The following GOLM2 variants were observed in gnomAD, a reference collection of about 807,000 sequenced individuals.
GOLM2 encodes golgi membrane protein 2, also known as protein GOLM2.
Under a neutral mutation model 55.9 loss-of-function variants are expected in GOLM2, and 26 were observed. The observed-to-expected ratio is 0.47, with a 90% CI of 0.34 to 0.65. The LOEUF (loss-of-function observed/expected upper bound fraction) is 0.65. Among genes scored for constraint, GOLM2 ranks in the 30% least tolerant of loss-of-function variants. The pLI is 0.01. For synonymous variants in GOLM2, 165 were observed against 194.6 expected (o/e 0.85, Z 1.27); for missense variants, 486 against 531.8 (o/e 0.91, Z 0.85).
intron 2 of GOLM2, among the ~76,000 whole-genome samples, chr15:44,327,787 A>T (rs891708662): frequency 6.6e-6 from 1 of 152,226 alleles, no homozygotes; most frequent in African/African-American, 2.4e-5. Flanking sequence ...AAACATTTAC[A>T]AACAAGTGTT....
At chr15:44,315,865 G>A (rs779162253) in intron 1 of GOLM2, among the ~76,000 whole-genome samples, 4 of 152,088 alleles carry the variant, frequency 2.6e-5, no homozygotes, top group African/African-American at 7.2e-5. Context: ...AAATGAAGGC[G>A]CTCAAAAGAA....
intron 1 of GOLM2, among the ~76,000 whole-genome samples, chr15:44,322,527 A>G (rs933667128): frequency 2.0e-5 from 3 of 152,174 alleles, no homozygotes; most frequent in Admixed American, 2.0e-4. Flanking sequence ...AATAACTGAG[A>G]CAGAGTGGTT....
At chr15:44,371,261 T>C (rs1300608091) in intron 6 of GOLM2, among the ~76,000 whole-genome samples, 1 of 152,232 alleles carries the variant, frequency 6.6e-6, no homozygotes, top group Non-Finnish European at 1.5e-5. Flanking sequence ...CTGATGGTTG[T>C]ACAGTGCTTA....
intron 9 of GOLM2, among the ~76,000 whole-genome samples, chr15:44,410,618 T>C (rs1379103698): frequency 1.3e-5 from 2 of 151,188 alleles, no homozygotes; most frequent in Non-Finnish European, 2.9e-5. Context: ...TGGGGTAGGC[T>C]GGGTGCAGTG....
intron 1 of GOLM2, among the ~76,000 whole-genome samples, chr15:44,312,363 C>CT (rs2078880267): frequency 6.6e-6 from 1 of 152,096 alleles, no homozygotes. Flanking sequence ...CCCATTTAAA[C>CT]TTTTTTTCTC....
In GOLM2 at chr15:44,402,876, C is replaced by G. The variant is rs1428622731; in HGVS notation, c.1073-11C>G. On this transcript the variant is annotated splice_polypyrimidine_tract_variant and intron_variant, in intron 8 of 9. Coordinates refer to ENST00000299957, the MANE Select transcript of GOLM2 (RefSeq NM_138423.4). ...CTTTACTCTTGAATTAATCCTCTAC[C>G]TACTTCACAGGCCGATTCTTTGATG... is the stretch of plus-strand genomic sequence containing the variant. 1.2e-6 allele frequency: 2 copies of G among 1,612,996 alleles called. No homozygotes were observed. The highest frequency in any genetic ancestry group is 8.5e-7 in the Non-Finnish European group (1 of 1,179,606).
chr15:44,373,535 C>G (rs2079344111), intron 6 of GOLM2, among the ~76,000 whole-genome samples: 1 of 151,086 alleles, frequency 6.6e-6, no homozygotes, highest in Non-Finnish European at 1.5e-5. Flanking sequence ...GCAGGCGAAT[C>G]AAGAGATCAG....
Position 44,291,068 on chromosome 15 carries a change from G to A in GOLM2, c.327+1712G>A, listed in dbSNP as rs369215703. Among the ~76,000 whole-genome samples, 3 of 150,110 alleles carry A rather than the reference G, an allele frequency of 2.0e-5. No homozygotes were observed. In the South Asian group the frequency reaches 6.3e-4, roughly 32 times the overall value. On this transcript the variant is annotated intron_variant, in intron 1 of 9. Coordinates refer to ENST00000299957, the MANE Select transcript of GOLM2 (RefSeq NM_138423.4). Reference sequence around the variant, plus strand: ...TCCGCCCGCCTCAGCCTCCCAAAGTGCTGGGATTACAGGTGTGAGCCACCA... The same window carrying A: ...TCCGCCCGCCTCAGCCTCCCAAAGTACTGGGATTACAGGTGTGAGCCACCA...
chr15:44,310,470 G>GTA (rs369090230), intron 1 of GOLM2, among the ~76,000 whole-genome samples: 8,400 of 121,000 alleles, frequency 0.069, 264 homozygotes, highest in Middle Eastern at 0.11. Flanking sequence ...ATATATATAT[G>GTA]TATATATATA....
intron 8 of GOLM2, among the ~76,000 whole-genome samples, chr15:44,401,543 C>T (rs1042185752): frequency 6.6e-6 from 1 of 151,646 alleles, no homozygotes; most frequent in Non-Finnish European, 1.5e-5. Flanking sequence ...TATGCCACTG[C>T]ACCCAGCCTG....
At chr15:44,365,056 A>G (rs970930712) in intron 6 of GOLM2, among the ~76,000 whole-genome samples, 6 of 152,234 alleles carry the variant, frequency 3.9e-5, no homozygotes, top group African/African-American at 1.4e-4. Context: ...AAAAGAGTTA[A>G]AAACTTGTAT....
chr15:44,400,850 C>T (rs1397226769), intron 8 of GOLM2, among the ~76,000 whole-genome samples: 2 of 152,108 alleles, frequency 1.3e-5, no homozygotes, highest in Admixed American at 6.5e-5. Context: ...GCTGGGATTA[C>T]GGGCGTGAGC....
Position 44,323,012 on chromosome 15 carries a change from T to G in GOLM2, c.375T>G (p.His125Gln). ...CGTATCAGATGGCAGACATACATCA[T>G]TTAAAGGGTAAGAACCTTAATTCCA... ...NISYQMADIHHLKEQLAELRQ... is the reference protein window; with the variant it reads ...NISYQMADIHQLKEQLAELRQ... Residue 125 changes from histidine to glutamine, a missense_variant, in exon 2 of 10, where the codon CAT becomes CAG. His to Gln is a conservative substitution (Grantham distance 24). Coordinates refer to ENST00000299957, the MANE Select transcript of GOLM2 (RefSeq NM_138423.4). 6.3e-7 allele frequency: 1 copy of G among 1,576,694 alleles called. No homozygotes were observed. The highest frequency in any genetic ancestry group is 8.6e-7 in the Non-Finnish European group (1 of 1,164,438).
In GOLM2 at chr15:44,289,201, G is replaced by A; in HGVS notation, c.172G>A (p.Val58Met). ...ELQGQVQRTE[V>M]ARGRLEKRNS... ...GCAGGGCCAGGTCCAGCGCACCGAAGTGGCCCGCGGGCGGCTGGAAAAGCG... is the reference window on the plus strand; with the variant it reads ...GCAGGGCCAGGTCCAGCGCACCGAAATGGCCCGCGGGCGGCTGGAAAAGCG... Residue 58 changes from valine to methionine, a missense_variant, in exon 1 of 10, where the codon GTG (valine) becomes ATG (methionine). Coordinates refer to ENST00000299957, the MANE Select transcript of GOLM2 (RefSeq NM_138423.4). The surrounding 1 kb of genome is among the most constrained non-coding windows in gnomAD (Gnocchi z 4.8). 2 of 1,614,198 alleles carry A rather than the reference G, an allele frequency of 1.2e-6. No homozygotes were observed. Among genetic ancestry groups the A allele is most frequent in the Non-Finnish European group, 1.7e-6 (2 of 1,180,028 alleles).
chr15:44,378,335 G>A lies in GOLM2; in HGVS notation c.803-1355G>A, dbSNP rs906439763. Among the ~76,000 whole-genome samples the A allele has an allele frequency of 1.3e-3, 202 of 150,034 alleles. 1 individual carries two copies. The highest frequency in any genetic ancestry group is 4.7e-3 in the African/African-American group (192 of 40,944). On this transcript the variant is annotated intron_variant, in intron 6 of 9. Transcript: ENST00000299957. The stretch of plus-strand genomic sequence containing the variant: ...TGCCCAAAGTGCTGGAATTATAGGC[G>A]TGAGCCACCGCGCCAGGACTTTTTT...
At position 44,339,996 on chromosome 15, in the gene GOLM2, T is replaced by C. The variant is rs147186532; in HGVS notation, c.802+1679T>C. On this transcript the variant is annotated intron_variant, in intron 6 of 9. Coordinates refer to ENST00000299957, the MANE Select transcript of GOLM2 (RefSeq NM_138423.4). ...CACCACACCTGACTAATTTTTATAG[T>C]TTTTTTGTAGAGATAAGTTTTCACC... Among the ~76,000 whole-genome samples, 435 of 151,936 alleles carry C rather than the reference T, an allele frequency of 2.9e-3. 3 individuals are homozygous for C. Among genetic ancestry groups the C allele is most frequent in the African/African-American group, 0.01 (423 of 41,446 alleles).
At chr15:44,338,728 T>C (rs1162983778) in intron 6 of GOLM2, among the ~76,000 whole-genome samples, 1 of 152,208 alleles carries the variant, frequency 6.6e-6, no homozygotes, top group African/African-American at 2.4e-5. Flanking sequence ...TATTTAATTA[T>C]TTAGTTTTGA....
intron 6 of GOLM2, among the ~76,000 whole-genome samples, chr15:44,377,646 T>C (rs2079373346): frequency 6.6e-6 from 1 of 152,190 alleles, no homozygotes; most frequent in Non-Finnish European, 1.5e-5. Flanking sequence ...AGTGCTGGAA[T>C]TACAGGCGTG....
chr15:44,396,349 C>T (rs947153895), intron 8 of GOLM2, among the ~76,000 whole-genome samples: 1 of 151,878 alleles, frequency 6.6e-6, no homozygotes, highest in Non-Finnish European at 1.5e-5. Context: ...CAGAGTGAGA[C>T]TCCATCAAAA....
Sources: allele counts gnomAD v4.1 joint callset (sites outside exome capture counted in the v4.1 genomes callset), GRCh38; gene constraint gnomAD v4.1.1; non-coding constraint Gnocchi (gnomAD v3.1); transcripts MANE v1.5; gene names NCBI Gene and HGNC (gene_info 2026-07-23, HGNC 2026-07-21).